Variants in TFDP2 observed in about 807,000 individuals in gnomAD.
The protein encoded by TFDP2 is transcription factor Dp-2 (E2F dimerization partner 2).
TFDP2 carries 17 observed loss-of-function variants against 59.3 expected under a neutral mutation model. That is an observed-to-expected ratio of 0.29 (90% CI 0.20 to 0.43). The LOEUF (loss-of-function observed/expected upper bound fraction) is 0.43. TFDP2 is among the 20% of genes least tolerant of loss of function. TFDP2 has a pLI of 1.00. For missense variants in TFDP2, 391 were observed against 528.8 expected (o/e 0.74, Z 2.56); for synonymous variants, 180 against 194.7 (o/e 0.92, Z 0.63).
At chr3:142,108,363 C>T (rs995182573) in intron 1 of TFDP2, among the ~76,000 whole-genome samples, 2 of 152,054 alleles carry the variant, frequency 1.3e-5, no homozygotes, top group Non-Finnish European at 2.9e-5. Flanking sequence ...GAGCCTGCCA[C>T]CACGCATGGC....
At position 142,040,429 on chromosome 3, in the gene TFDP2, A is replaced by AT. The variant is rs11435655; in HGVS notation, c.83-34886dup. Among the ~76,000 whole-genome samples the AT allele has an allele frequency of 9.7e-3, 1,419 of 146,012 alleles. 14 individuals are homozygous for AT. The highest frequency in any genetic ancestry group is 0.021 in the African/African-American group (847 of 39,970). ...ACGTAGCAAAACACTATCTCTACAA[A>AT]TTTTTTTTTTTTTTTGAGACGGAGT... is the stretch of plus-strand genomic sequence containing the variant. On this transcript the variant is annotated intron_variant, in intron 3 of 12. Transcript: ENST00000489671.
At chr3:142,062,843 C>G (rs2059964930) in intron 3 of TFDP2, among the ~76,000 whole-genome samples, 1 of 152,136 alleles carries the variant, frequency 6.6e-6, no homozygotes, top group Non-Finnish European at 1.5e-5. Flanking sequence ...TAAGCTTGAT[C>G]TCACAACATC....
At chr3:142,138,498 G>A (rs1325407857) in intron 1 of TFDP2, among the ~76,000 whole-genome samples, 1 of 152,106 alleles carries the variant, frequency 6.6e-6, no homozygotes, top group Non-Finnish European at 1.5e-5. Flanking sequence ...GCTTTCTCTT[G>A]TGGGCATTTA....
At chr3:142,046,983 A>T (rs1425762011) in intron 3 of TFDP2, among the ~76,000 whole-genome samples, 3 of 152,148 alleles carry the variant, frequency 2.0e-5, no homozygotes, top group Non-Finnish European at 4.4e-5. Flanking sequence ...ATAGCTTCTC[A>T]TGTGCTCTTG....
At chr3:142,047,073 C>T (rs1446349356) in intron 3 of TFDP2, among the ~76,000 whole-genome samples, 3 of 152,088 alleles carry the variant, frequency 2.0e-5, no homozygotes, top group African/African-American at 7.2e-5. Context: ...ATATTAAATA[C>T]AGTATAGTAA....
intron 11 of TFDP2, among the ~76,000 whole-genome samples, chr3:141,956,111 A>T (rs1220077749): frequency 6.6e-6 from 1 of 152,172 alleles, no homozygotes; most frequent in Non-Finnish European, 1.5e-5. Context: ...CCCAACCTAT[A>T]TAGTCAAATT....
chr3:142,051,726 T>A (rs976237490), intron 3 of TFDP2, among the ~76,000 whole-genome samples: 7 of 152,190 alleles, frequency 4.6e-5, no homozygotes, highest in African/African-American at 1.4e-4. Flanking sequence ...AGCAATTCTA[T>A]GGGAAATGAT....
chr3:142,091,815 C>T (rs1384062151), intron 3 of TFDP2, among the ~76,000 whole-genome samples: 4 of 152,144 alleles, frequency 2.6e-5, no homozygotes, highest in Non-Finnish European at 5.9e-5. Context: ...GTGCAGTTCA[C>T]AATAGGGTTC....
At chr3:142,120,152 G>T (rs913892576) in intron 1 of TFDP2, among the ~76,000 whole-genome samples, 2 of 151,350 alleles carry the variant, frequency 1.3e-5, no homozygotes, top group African/African-American at 4.9e-5. Flanking sequence ...CACAAGGTCA[G>T]GAGATCAAGA....
intron 4 of TFDP2, among the ~76,000 whole-genome samples, chr3:142,004,042 A>T (rs2108259850): frequency 6.6e-6 from 1 of 152,338 alleles, no homozygotes; most frequent in East Asian, 1.9e-4. Context: ...TTTTTAAGTC[A>T]GGTGCTTTAT....
intron 7 of TFDP2, among the ~76,000 whole-genome samples, chr3:141,977,107 T>TATATATATATATATATATA (rs1491255094): frequency 1.4e-4 from 12 of 86,658 alleles, no homozygotes; most frequent in South Asian, 1.2e-3. Flanking sequence ...TATATATATA[T>TATATATATATATATATATA]TTTTTTTTTT....
At chr3:141,970,265 G>C in intron 8 of TFDP2, 124 bp from the exon 9 acceptor site, 1 of 820,224 alleles carries the variant, frequency 1.2e-6, no homozygotes, top group Non-Finnish European at 2.0e-6. Flanking sequence ...TTAACAATAT[G>C]AATAAAGACA....
rs1188141534 is a variant in TFDP2, at chr3:142,055,283, T to C, written c.82+37778A>G. ...AGAGATAAAACATAGGTTCAGATAT[T>C]TGGTATATGTACTTGGATGAGAATC... On this transcript the variant is annotated intron_variant, in intron 3 of 12. Transcript: ENST00000489671. 2.0e-5 allele frequency among the ~76,000 whole-genome samples: 3 copies of C among 152,060 alleles called. No homozygotes were observed. In the East Asian group the frequency reaches 5.8e-4, roughly 29 times the overall value.
At chr3:141,983,032 G>A (rs768240021) in intron 6 of TFDP2, among the ~76,000 whole-genome samples, 7 of 152,142 alleles carry the variant, frequency 4.6e-5, no homozygotes, top group Non-Finnish European at 1.0e-4. Context: ...CCCTTCATGA[G>A]CTGCTAGAAT....
At chr3:142,014,751 C>A (rs190280907) in intron 3 of TFDP2, among the ~76,000 whole-genome samples, 101 of 152,266 alleles carry the variant, frequency 6.6e-4, no homozygotes, top group African/African-American at 2.3e-3. Flanking sequence ...TCATCACAAT[C>A]TTTCCCTCTC....
At chr3:142,083,664 C>T (rs1255901944) in intron 3 of TFDP2, among the ~76,000 whole-genome samples, 1 of 152,008 alleles carries the variant, frequency 6.6e-6, no homozygotes, top group Non-Finnish European at 1.5e-5. Context: ...ACACATAGAC[C>T]AATGGAACAG....
intron 3 of TFDP2, among the ~76,000 whole-genome samples, chr3:142,045,506 TTC>T (rs1323759211): frequency 1.3e-5 from 2 of 152,130 alleles, no homozygotes; most frequent in East Asian, 3.9e-4. Flanking sequence ...CTTTAAAAAT[TTC>T]TGTCAATTAT....
chr3:142,046,203 A>G (rs1947341420), intron 3 of TFDP2, among the ~76,000 whole-genome samples: 1 of 152,190 alleles, frequency 6.6e-6, no homozygotes, highest in African/African-American at 2.4e-5. Context: ...TGGCAATCTA[A>G]TCCTACATAC....
chr3:142,105,655 G>T (rs189612019), intron 1 of TFDP2, among the ~76,000 whole-genome samples: 6 of 152,122 alleles, frequency 3.9e-5, no homozygotes, highest in African/African-American at 1.4e-4. Flanking sequence ...GCACAATATA[G>T]TAAGAGGGTA....
Sources: allele counts gnomAD v4.1 joint callset (sites outside exome capture counted in the v4.1 genomes callset), GRCh38; gene constraint gnomAD v4.1.1; transcripts MANE v1.5; gene names NCBI Gene and HGNC (gene_info 2026-07-23, HGNC 2026-07-21).